HMGXB4: variants seen among roughly 807,000 people sequenced by gnomAD.
The protein encoded by HMGXB4 is HMG-box containing 4.
HMGXB4 carries 27 observed loss-of-function variants against 63.9 expected under a neutral mutation model. The observed-to-expected ratio is 0.42, with a 90% CI of 0.31 to 0.58. The LOEUF (loss-of-function observed/expected upper bound fraction) is 0.58, where lower values mean the gene tolerates loss of function less well. HMGXB4 is among the 20% of genes least tolerant of loss of function. The pLI is 0.13. For missense variants in HMGXB4, 624 were observed against 700.7 expected, an observed-to-expected ratio of 0.89 and a Z score of 1.24; for synonymous variants, 264 against 265.3, an observed-to-expected ratio of 0.99 and a Z score of 0.05.
At position 35,263,195 on chromosome 22, in the gene HMGXB4, A is replaced by G. The variant is rs1290575178; in HGVS notation, c.149A>G (p.Gln50Arg). 1 of 1,613,930 alleles carries G rather than the reference A, an allele frequency of 6.2e-7. No homozygotes were observed. Among genetic ancestry groups the G allele is most frequent in the Admixed American group, 1.7e-5 (1 of 59,942 alleles). ...AGGGAAGAGGAAGAAATTGCTGCTC[A>G]GGTCAGGAATTCTTCCAAGAAGAAG... The part of the protein sequence containing the change: ...FLREEEEIAA[Q>R]VRNSSKKKLK... Residue 50 changes from glutamine to arginine, a missense_variant, in exon 3 of 11, where the codon CAG becomes CGG. By Grantham distance (43) the Gln-to-Arg change is conservative. Coordinates refer to ENST00000216106, the MANE Select transcript of HMGXB4 (RefSeq NM_001003681.3).
chr22:35,283,101 A>G (rs1924363063), intron 5 of HMGXB4, among the ~76,000 whole-genome samples: 1 of 152,236 alleles, frequency 6.6e-6, no homozygotes, highest in Admixed American at 6.5e-5. Flanking sequence ...CTACCAAAGA[A>G]TTGTCTTCAG....
At chr22:35,251,745 A>C in the HMGXB4 span, among the ~76,000 whole-genome samples, 1 of 152,248 alleles carries the variant, frequency 6.6e-6, no homozygotes, top group African/African-American at 2.4e-5. Flanking sequence ...GGAAGTGCAC[A>C]TATTTAATGT....
intron 9 of HMGXB4, among the ~76,000 whole-genome samples, chr22:35,291,016 G>C (rs1569007756): frequency 6.6e-6 from 1 of 152,114 alleles, no homozygotes; most frequent in Non-Finnish European, 1.5e-5. Context: ...GTAATCCCAG[G>C]ACTCTGGGAG....
At chr22:35,244,388 G>A in the HMGXB4 span, among the ~76,000 whole-genome samples, 1 of 149,804 alleles carries the variant, frequency 6.7e-6, no homozygotes, top group African/African-American at 2.5e-5. Flanking sequence ...CTGCCTCCTC[G>A]TAAAATAGAG....
At chr22:35,262,976 T>A (rs1922956500) in intron 2 of HMGXB4, 102 bp from the exon 3 acceptor site, 2 of 1,112,930 alleles carry the variant, frequency 1.8e-6, no homozygotes, top group East Asian at 2.3e-5. Flanking sequence ...AACATTGTTT[T>A]AATTTGGAAA....
chr22:35,249,472 G>A, the HMGXB4 span, among the ~76,000 whole-genome samples: 1 of 98,718 alleles, frequency 1.0e-5, no homozygotes, highest in African/African-American at 2.6e-5. Flanking sequence ...TGTACTGCAT[G>A]TAATCAAATA....
chr22:35,251,364 C>A, the HMGXB4 span, among the ~76,000 whole-genome samples: 1 of 152,148 alleles, frequency 6.6e-6, no homozygotes, highest in Admixed American at 6.6e-5. Context: ...CATAAGCCAC[C>A]GCGCCCGGCC....
chr22:35,290,041 T>C (rs1924830614), intron 9 of HMGXB4, among the ~76,000 whole-genome samples: 1 of 152,222 alleles, frequency 6.6e-6, no homozygotes, highest in African/African-American at 2.4e-5. Flanking sequence ...TTTCTAAAAA[T>C]TTTAGCAGTA....
chr22:35,256,035 C>G (rs1161433317), upstream of HMGXB4, among the ~76,000 whole-genome samples: 1 of 152,198 alleles, frequency 6.6e-6, no homozygotes, highest in Non-Finnish European at 1.5e-5. Flanking sequence ...GTTTTAACAT[C>G]TCAGCATCTC....
chr22:35,277,176 G>A (rs376084324), intron 5 of HMGXB4, among the ~76,000 whole-genome samples: 79 of 152,256 alleles, frequency 5.2e-4, no homozygotes, highest in African/African-American at 1.8e-3. Context: ...CTCATCCGAG[G>A]CTCAAGCTCA....
intron 2 of HMGXB4, chr22:35,262,777 C>A (rs1408354796): frequency 3.9e-6 from 2 of 510,268 alleles, no homozygotes; most frequent in East Asian, 7.1e-5. Context: ...TCTTTTCAGC[C>A]TTTCGTCTGC....
At chr22:35,276,744 A>G (rs992447127) in intron 5 of HMGXB4, among the ~76,000 whole-genome samples, 2 of 152,226 alleles carry the variant, frequency 1.3e-5, no homozygotes, top group African/African-American at 4.8e-5. Flanking sequence ...AGCACCCACA[A>G]CATACTTCTT....
At chr22:35,271,486 G>C (rs1038151515) in intron 5 of HMGXB4, among the ~76,000 whole-genome samples, 1 of 152,150 alleles carries the variant, frequency 6.6e-6, no homozygotes, top group Non-Finnish European at 1.5e-5. Context: ...TAGCTAAGTC[G>C]TTGAGAGCGT....
At chr22:35,244,847 T>G in the HMGXB4 span, among the ~76,000 whole-genome samples, 2 of 152,218 alleles carry the variant, frequency 1.3e-5, no homozygotes, top group African/African-American at 4.8e-5. Flanking sequence ...CAGTATACTC[T>G]CGTAACAAAA....
At chr22:35,263,025 ATTAC>A (rs1922959398) in intron 2 of HMGXB4, 49 bp from the exon 3 acceptor site, 2 of 1,553,190 alleles carry the variant, frequency 1.3e-6, no homozygotes, top group Non-Finnish European at 1.8e-6. Flanking sequence ...CGATTTGGTC[ATTAC>A]TTACTTGACT....
rs75063636 is a variant in HMGXB4 at position 35,269,388 on chromosome 22, C to G, written c.1215+3785C>G. ...GTGAGACTGTCTCAAAACAAACAAACAAAATAGAATTCATAGAAGGGGCTA... is the reference window on the plus strand; with the variant it reads ...GTGAGACTGTCTCAAAACAAACAAAGAAAATAGAATTCATAGAAGGGGCTA... On this transcript the variant is annotated intron_variant, in intron 5 of 10. Transcript: ENST00000216106. Among the ~76,000 whole-genome samples, 934 of 152,228 alleles carry G rather than the reference C, an allele frequency of 6.1e-3. 5 individuals are homozygous for G. Among genetic ancestry groups the G allele is most frequent in the Non-Finnish European group, 9.6e-3 (653 of 68,008 alleles).
At chr22:35,290,294 T>G (rs1215224936) in intron 9 of HMGXB4, among the ~76,000 whole-genome samples, 1 of 152,184 alleles carries the variant, frequency 6.6e-6, no homozygotes, top group African/African-American at 2.4e-5. Context: ...TTTTAATATA[T>G]TCACAGAATT....
In HMGXB4 at chr22:35,293,867, A is replaced by G. The variant is rs975849926; in HGVS notation, c.*216A>G. 3.2e-6 allele frequency: 1 copy of G among 312,620 alleles called. No individual in the cohort carries two copies. The highest frequency in any genetic ancestry group is 5.7e-6 in the Non-Finnish European group (1 of 175,012). The allele number at this position is 312,620 out of a possible 1,614,324, so 19.4% of individuals were successfully genotyped here. A position where few individuals can be genotyped will look rare whatever the true frequency, so the allele number is the denominator to read the frequency against. On this transcript the variant is annotated 3_prime_UTR_variant, in exon 11 of 11. Coordinates refer to ENST00000216106, the MANE Select transcript of HMGXB4 (RefSeq NM_001003681.3). The stretch of plus-strand genomic sequence containing the variant: ...ATGAAATGGCAAAGGTTTAGCCAAG[A>G]GGAAATTTTGGCATGAATACAGGCT...
Position 35,293,648 on chromosome 22 carries a change from G to A in HMGXB4, c.1803G>A (p.Leu601=), listed in dbSNP as rs755600486. 2 of 1,610,086 alleles carry A rather than the reference G, an allele frequency of 1.2e-6. No homozygotes were observed. The highest frequency in any genetic ancestry group is 1.7e-6 in the Non-Finnish European group (2 of 1,176,318). Residue 601 remains leucine (L), a synonymous_variant, in exon 11 of 11, where the codon CTG becomes CTA. Transcript: ENST00000216106. ...LDNIAYIMPG[L] is the part of the protein sequence containing the mutation. ...ACATTGCTTACATCATGCCGGGACT[G>A]TGACAGCAAAGAATCCTGGGACAGA...
Sources: gnomAD v4.1 joint callset for allele counts (sites outside exome capture counted in the v4.1 genomes callset) on GRCh38, gnomAD v4.1.1 for gene constraint, MANE v1.5 for transcripts, NCBI Gene and HGNC (gene_info 2026-07-23, HGNC 2026-07-21) for gene names.